The following NCKAP5 variants were observed in gnomAD, a reference collection of about 807,000 sequenced individuals.
NCKAP5 encodes NCK associated protein 5, also known as nck-associated protein 5.
Under a neutral mutation model 167.0 loss-of-function variants are expected in NCKAP5, and 92 were observed. The ratio of observed to expected loss-of-function variants is 0.55; its 90% CI spans 0.47 to 0.66. NCKAP5 has a LOEUF of 0.66. Ranked by LOEUF, NCKAP5 falls within the 30% of genes least tolerant of loss-of-function variation. NCKAP5 has a pLI of 0.00. For missense variants in NCKAP5, 2,378 were observed against 2,315.0 expected (o/e 1.03, Z -0.56); for synonymous variants, 891 against 877.4 (o/e 1.02, Z -0.27).
intron 3 of NCKAP5, among the ~76,000 whole-genome samples, chr2:133,447,933 G>T (rs1691307105): frequency 6.6e-6 from 1 of 152,098 alleles, no homozygotes. Flanking sequence ...CAATAATTCT[G>T]TCCACATGCA....
chr2:132,960,838 A>C (rs762045303), intron 8 of NCKAP5, among the ~76,000 whole-genome samples: 42 of 152,174 alleles, frequency 2.8e-4, no homozygotes, highest in Non-Finnish European at 2.8e-4. Flanking sequence ...CAGGAATTAA[A>C]GAAGACTGCT....
intron 19 of NCKAP5, among the ~76,000 whole-genome samples, chr2:132,682,559 A>G (rs1292425229): frequency 6.6e-6 from 1 of 152,214 alleles, no homozygotes; most frequent in Non-Finnish European, 1.5e-5. Context: ...AGCATTAGAT[A>G]TACCAGAAAG....
chr2:133,501,440 C>T (rs6728130), intron 3 of NCKAP5, among the ~76,000 whole-genome samples: 39,790 of 151,960 alleles, frequency 0.26, 5,859 homozygotes, highest in East Asian at 0.48. Context: ...GCAATTGAGA[C>T]ATAGAAATGA....
At chr2:133,583,802 G>A in the NCKAP5 span, among the ~76,000 whole-genome samples, 1 of 152,036 alleles carries the variant, frequency 6.6e-6, no homozygotes. Context: ...CGCCCAGGCT[G>A]GAATGTAGTG....
At chr2:133,583,809 A>G in the NCKAP5 span, among the ~76,000 whole-genome samples, 3 of 152,010 alleles carry the variant, frequency 2.0e-5, no homozygotes, top group Non-Finnish European at 4.4e-5. Flanking sequence ...GCTGGAATGT[A>G]GTGGCGCGAT....
intron 3 of NCKAP5, among the ~76,000 whole-genome samples, chr2:133,415,164 G>C (rs1042705097): frequency 6.6e-6 from 1 of 152,210 alleles, no homozygotes; most frequent in Non-Finnish European, 1.5e-5. Context: ...GGCCGAAATG[G>C]ACTTATTCAT....
intron 5 of NCKAP5, among the ~76,000 whole-genome samples, chr2:133,145,964 G>A (rs1396155991): frequency 6.6e-6 from 1 of 152,072 alleles, no homozygotes. Flanking sequence ...GACAGCCATT[G>A]AATCTTAAGC....
chr2:133,471,064 C>G (rs1679250737), intron 3 of NCKAP5, among the ~76,000 whole-genome samples: 1 of 152,104 alleles, frequency 6.6e-6, no homozygotes, highest in Non-Finnish European at 1.5e-5. Context: ...ATGTACTGAT[C>G]ATCATCATCA....
At chr2:133,424,932 A>C (rs1473615937) in intron 3 of NCKAP5, among the ~76,000 whole-genome samples, 1 of 152,260 alleles carries the variant, frequency 6.6e-6, no homozygotes, top group Non-Finnish European at 1.5e-5. Flanking sequence ...TTGACAAAAA[A>C]AATGAAAGGC....
At chr2:133,048,263 C>T (rs1190998082) in intron 6 of NCKAP5, among the ~76,000 whole-genome samples, 2 of 152,158 alleles carry the variant, frequency 1.3e-5, no homozygotes, top group Non-Finnish European at 2.9e-5. Context: ...CATGTTCTAG[C>T]CTCTCTAAAT....
At chr2:133,572,684 C>A (rs1688910834), upstream of NCKAP5, among the ~76,000 whole-genome samples, 2 of 152,158 alleles carry the variant, frequency 1.3e-5, no homozygotes, top group African/African-American at 4.8e-5. Flanking sequence ...CAGCCTGAGG[C>A]CATCCAGTCT....
At chr2:133,581,955 C>T in the NCKAP5 span, among the ~76,000 whole-genome samples, 1 of 152,132 alleles carries the variant, frequency 6.6e-6, no homozygotes, top group Non-Finnish European at 1.5e-5. Context: ...AGAAATGGAT[C>T]AAGAGGATGT....
At chr2:133,593,269 C>T in the NCKAP5 span, among the ~76,000 whole-genome samples, 51,844 of 151,780 alleles carry the variant, frequency 0.34, 10,172 homozygotes, top group Middle Eastern at 0.53. Context: ...TATATATACA[C>T]ACACATAGAT....
chr2:132,745,596 C>G (rs1241828470), intron 16 of NCKAP5, among the ~76,000 whole-genome samples: 2 of 151,688 alleles, frequency 1.3e-5, no homozygotes, highest in Non-Finnish European at 2.9e-5. Flanking sequence ...GAGGTTATAG[C>G]CAGTGCAACA....
rs2076584906 is a variant in NCKAP5, at chr2:132,963,773, C to T, written c.526G>A (p.Asp176Asn). 8 of 1,613,962 alleles carry T rather than the reference C, an allele frequency of 5.0e-6. No individual in the cohort carries two copies. Among genetic ancestry groups the T allele is most frequent in the Non-Finnish European group, 6.8e-6 (8 of 1,179,876 alleles). Residue 176 changes from aspartate to asparagine, a missense_variant, in exon 8 of 20, where the codon GAT becomes AAT. Physicochemically the swap from Asp to Asn is conservative, Grantham distance 23. Around this residue, in one of 3 missense-constraint regions of NCKAP5, gnomAD observed 1,049 missense variants for 1,023.4 expected, o/e 1.02. Transcript: ENST00000409261. ...EDSRSESSST[D>N]EGKEKTKLLL... ...AATTTGGTCTTTTCTTTTCCCTCAT[C>T]TGTACTGCTGCTTTCACTCCTCGAA...
the NCKAP5 span, among the ~76,000 whole-genome samples, chr2:133,632,291 A>G: frequency 6.6e-6 from 1 of 152,264 alleles, no homozygotes. Context: ...ATAATTGGAC[A>G]TTAAAAATGA....
chr2:133,063,818 G>C (rs1014288762), intron 6 of NCKAP5, among the ~76,000 whole-genome samples: 1 of 152,184 alleles, frequency 6.6e-6, no homozygotes, highest in African/African-American at 2.4e-5. Flanking sequence ...TTGTTCAAAA[G>C]TAGAAAAACT....
intron 6 of NCKAP5, among the ~76,000 whole-genome samples, chr2:133,031,086 C>G (rs900027854): frequency 6.6e-6 from 1 of 152,068 alleles, no homozygotes; most frequent in Admixed American, 6.5e-5. Context: ...TACAAGGACA[C>G]CAAGTTAACA....
intron 3 of NCKAP5, among the ~76,000 whole-genome samples, chr2:133,319,630 A>G (rs1681889853): frequency 6.6e-6 from 1 of 152,192 alleles, no homozygotes; most frequent in African/African-American, 2.4e-5. Flanking sequence ...TGGGATAGCA[A>G]CGCAGACAGT....
Sources: gnomAD v4.1 joint callset for allele counts (sites outside exome capture counted in the v4.1 genomes callset) on GRCh38, gnomAD v4.1.1 for gene constraint, gnomAD v4.1.1 regional missense constraint, MANE v1.5 for transcripts, NCBI Gene and HGNC (gene_info 2026-07-23, HGNC 2026-07-21) for gene names.